The following ATP5MG variants were observed in gnomAD, a reference collection of about 807,000 sequenced individuals.
The protein encoded by ATP5MG is ATP synthase membrane subunit g.
Under a neutral mutation model 12.7 loss-of-function variants are expected in ATP5MG, and 7 were observed. That is an observed-to-expected ratio of 0.55 (90% CI 0.31 to 1.04). The LOEUF (loss-of-function observed/expected upper bound fraction) is 1.04. Among genes scored for constraint, ATP5MG ranks in the 50% least tolerant of loss-of-function variants. The pLI is 0.05. For synonymous variants in ATP5MG, 53 were observed against 48.2 expected (o/e 1.10, Z -0.41); for missense variants, 116 against 126.7 (o/e 0.92, Z 0.41).
In ATP5MG at chr11:118,409,524, CT is replaced by C. The variant is rs1370534982; in HGVS notation, c.*427del. ...GTCAGTAGTTAGAATAACATTTCAA[CT>C]GTTTTCTTTGCTAAAATCACAGAAA... On this transcript the variant is annotated 3_prime_UTR_variant, in exon 3 of 3. Transcript: ENST00000300688. The C allele has an allele frequency of 3.3e-5, 5 of 152,336 alleles. No homozygotes were observed. The highest frequency in any genetic ancestry group is 3.3e-4 in the Admixed American group (5 of 15,278). 9.4% of individuals were successfully genotyped at this position (152,336 alleles called of 1,614,324 possible).
chr11:118,405,477 C>T (rs1346429060), intron 1 of ATP5MG, among the ~76,000 whole-genome samples: 1 of 152,136 alleles, frequency 6.6e-6, no homozygotes, highest in Non-Finnish European at 1.5e-5. Flanking sequence ...ACATGTAAAG[C>T]AGTTTCAAAC....
At chr11:118,408,305 A>C (rs1368656652) in intron 2 of ATP5MG, among the ~76,000 whole-genome samples, 1 of 152,214 alleles carries the variant, frequency 6.6e-6, no homozygotes, top group East Asian at 1.9e-4. Flanking sequence ...GACTTCCATA[A>C]ATTTCTGGTC....
At chr11:118,404,155 A>T (rs1214539839) in intron 1 of ATP5MG, among the ~76,000 whole-genome samples, 1 of 152,208 alleles carries the variant, frequency 6.6e-6, no homozygotes, top group Non-Finnish European at 1.5e-5. Flanking sequence ...TAGTGTATTA[A>T]ATGTGAATGT....
intron 1 of ATP5MG, among the ~76,000 whole-genome samples, chr11:118,403,692 C>G (rs1948949184): frequency 6.7e-6 from 1 of 150,220 alleles, no homozygotes; most frequent in African/African-American, 2.5e-5. Flanking sequence ...ACTCGGGAAG[C>G]TGAGGCAGGA....
intron 2 of ATP5MG, among the ~76,000 whole-genome samples, chr11:118,408,044 C>T (rs1555132420): frequency 1.3e-5 from 2 of 152,156 alleles, no homozygotes; most frequent in Non-Finnish European, 2.9e-5. Flanking sequence ...AGCCTGTAGT[C>T]CCAGCTACTT....
In ATP5MG at chr11:118,409,115, T is replaced by G; in HGVS notation, c.*17T>G. On this transcript the variant is annotated 3_prime_UTR_variant, in exon 3 of 3. Coordinates refer to ENST00000300688, the MANE Select transcript of ATP5MG (RefSeq NM_006476.5). ...GATGTTTGAAGACCAATCTTTAACATCTGATTATATTTGATTTATTATTTG... is the reference window on the plus strand; with the variant it reads ...GATGTTTGAAGACCAATCTTTAACAGCTGATTATATTTGATTTATTATTTG... 1 of 1,535,212 alleles carries G rather than the reference T, an allele frequency of 6.5e-7. No homozygotes were observed. The highest frequency in any genetic ancestry group is 1.2e-5 in the South Asian group (1 of 85,776).
At chr11:118,404,030 G>A (rs189852714) in intron 1 of ATP5MG, 7 of 152,138 alleles carry the variant, frequency 4.6e-5, no homozygotes, top group Non-Finnish European at 8.8e-5. Flanking sequence ...CCTTCCCTCC[G>A]TTGTAAATAA....
chr11:118,409,740 T>G lies in ATP5MG; in HGVS notation c.*642T>G, dbSNP rs1020281235. The G allele has an allele frequency of 6.6e-6, 1 of 152,188 alleles. No individual in the cohort carries two copies. Among genetic ancestry groups the G allele is most frequent in the South Asian group, 2.1e-4 (1 of 4,832 alleles). 9.4% of individuals were successfully genotyped at this position (152,188 alleles called of 1,614,324 possible). A position where few individuals can be genotyped will look rare whatever the true frequency, so the allele number is the denominator to read the frequency against. ...ATTCGTTTGTCTGGTTTTACTACCT[T>G]TGCAAAAACAAAATACCCCAAAGAT... On this transcript the variant is annotated 3_prime_UTR_variant, in exon 3 of 3. Coordinates refer to ENST00000300688, the MANE Select transcript of ATP5MG (RefSeq NM_006476.5).
intron 2 of ATP5MG, among the ~76,000 whole-genome samples, chr11:118,408,153 C>T (rs1948988912): frequency 6.6e-6 from 1 of 151,732 alleles, no homozygotes; most frequent in East Asian, 1.9e-4. Flanking sequence ...CAGAGCGAGA[C>T]TCCATCTCAA....
At chr11:118,407,804 A>G (rs1377003013) in intron 2 of ATP5MG, among the ~76,000 whole-genome samples, 1 of 151,880 alleles carries the variant, frequency 6.6e-6, no homozygotes, top group Non-Finnish European at 1.5e-5. Flanking sequence ...CCCAGGAGTT[A>G]GAGGAGGCAG....
In ATP5MG at chr11:118,401,684, A is replaced by C; in HGVS notation, c.19A>C (p.Asn7His). ...CAGAACCATGGCCCAATTTGTCCGT[A>C]ACCTTGTGGAGAAGACCCCGGCGCT... MAQFVR[N>H]LVEKTPALVN... Residue 7 changes from asparagine to histidine, a missense_variant, in exon 1 of 3, where the codon AAC becomes CAC. Physicochemically the swap from Asn to His is moderately conservative, Grantham distance 68. Transcript: ENST00000300688. 6.2e-7 allele frequency: 1 copy of C among 1,613,948 alleles called. No homozygotes were observed. The highest frequency in any genetic ancestry group is 8.5e-7 in the Non-Finnish European group (1 of 1,179,932).
intron 1 of ATP5MG, chr11:118,406,095 A>G (rs111707199): frequency 0.025 from 3,787 of 152,250 alleles, 72 homozygotes; most frequent in Non-Finnish European, 0.037. Context: ...ATTCCTGGCC[A>G]CAAGTGATCT....
chr11:118,401,917 C>G, intron 1 of ATP5MG, 200 bp downstream of exon 1: 1 of 610,794 alleles, frequency 1.6e-6, no homozygotes, highest in East Asian at 2.8e-5. Context: ...ATTGGGTTCT[C>G]TACACAACCT....
At chr11:118,401,827 G>A (rs1948930002) in intron 1 of ATP5MG, 110 bp downstream of exon 1, 1 of 1,340,026 alleles carries the variant, frequency 7.5e-7, no homozygotes, top group African/African-American at 1.5e-5. Flanking sequence ...GCGGGTGCCG[G>A]GGCGGGATGG....
At position 118,409,512 on chromosome 11, in the gene ATP5MG, A is replaced by G. The variant is rs1948999438; in HGVS notation, c.*414A>G. On this transcript the variant is annotated 3_prime_UTR_variant, in exon 3 of 3. Coordinates refer to ENST00000300688, the MANE Select transcript of ATP5MG (RefSeq NM_006476.5). ...GAGATGAATCATGTCAGTAGTTAGA[A>G]TAACATTTCAACTGTTTTCTTTGCT... The G allele has an allele frequency of 6.6e-6, 1 of 152,412 alleles. No individual in the cohort carries two copies. Among genetic ancestry groups the G allele is most frequent in the Admixed American group, 6.5e-5 (1 of 15,286 alleles). 9.4% of individuals were successfully genotyped at this position (152,412 alleles called of 1,614,324 possible).
At chr11:118,407,871 AAG>A (rs1414575484) in intron 2 of ATP5MG, among the ~76,000 whole-genome samples, 2 of 152,074 alleles carry the variant, frequency 1.3e-5, no homozygotes, top group African/African-American at 4.8e-5. Context: ...CTCTTAAAAA[AAG>A]GAAAAAAGGC....
chr11:118,409,071 G>A lies in ATP5MG; in HGVS notation c.285G>A (p.Lys95=), dbSNP rs1948996077. 4 of 1,607,720 alleles carry A rather than the reference G, an allele frequency of 2.5e-6. No homozygotes were observed. The highest frequency in any genetic ancestry group is 3.4e-6 in the Non-Finnish European group (4 of 1,176,742). ...TTTATGTCGGAGAGATTATAGGCAA[G>A]CGGGGCATCATTGGCTATGATGTTT... The part of the protein sequence containing the change: ...MWFYVGEIIG[K]RGIIGYDV The change falls in exon 3 of 3, where the codon AAG becomes AAA. Residue 95 remains lysine (K), a synonymous_variant. Coordinates refer to ENST00000300688, the MANE Select transcript of ATP5MG (RefSeq NM_006476.5).
At chr11:118,406,721 T>C in intron 1 of ATP5MG, 1 of 615,692 alleles carries the variant, frequency 1.6e-6, no homozygotes, top group Non-Finnish European at 2.8e-6. Flanking sequence ...GCATCCTGCC[T>C]GATTGAACAT....
At position 118,402,802 on chromosome 11, in the gene ATP5MG, C is replaced by T. The variant is rs1948940353; in HGVS notation, c.52+1085C>T. 3.3e-5 allele frequency among the ~76,000 whole-genome samples: 5 copies of T among 150,658 alleles called. No individual in the cohort carries two copies. In the South Asian group the frequency reaches 1.1e-3, roughly 32 times the overall value. ...GCAGCCTCCACCTCCTAGGCTCAAG[C>T]GATCCTCCCACCTCAGCCTCCTGAG... On this transcript the variant is annotated intron_variant, in intron 1 of 2. Transcript: ENST00000300688.
Sources: gnomAD v4.1 joint callset for allele counts (sites outside exome capture counted in the v4.1 genomes callset) on GRCh38, gnomAD v4.1.1 for gene constraint, MANE v1.5 for transcripts, NCBI Gene and HGNC (gene_info 2026-07-23, HGNC 2026-07-21) for gene names.